Variants in IL1R2 observed in about 807,000 individuals in gnomAD.
IL1R2 encodes interleukin 1 receptor type 2.
A neutral mutation model predicts 39.5 loss-of-function variants in IL1R2; 46 were observed. The ratio of observed to expected loss-of-function variants is 1.16; its 90% confidence interval spans 0.92 to 1.49. The LOEUF is 1.49. IL1R2 is among the 40% of genes most tolerant of loss of function. IL1R2 has a pLI of 0.00. For missense variants in IL1R2, 537 were observed against 502.0 expected (o/e 1.07, Z -0.67); for synonymous variants, 207 against 189.6 (o/e 1.09, Z -0.75).
rs374001314 is a variant in IL1R2, at chr2:102,009,684, C to T, written c.190C>T (p.Arg64Cys). ...PYWLWASVSP[R>C]INLTWHKNDS... ...CTGGTTGTGGGCCTCTGTCAGCCCC[C>T]GCATCAACCTGACATGGCATAAAAA... Residue 64 changes from arginine (R) to cysteine (C), a missense_variant, in exon 3 of 9, where the codon CGC becomes TGC. Transcript: ENST00000332549. The T allele has an allele frequency of 1.8e-4, 291 of 1,614,066 alleles. No homozygotes were observed. Among genetic ancestry groups the T allele is most frequent in the Non-Finnish European group, 2.1e-4 (249 of 1,180,040 alleles).
intron 1 of IL1R2, among the ~76,000 whole-genome samples, chr2:102,000,326 A>G (rs1675790965): frequency 6.6e-6 from 1 of 152,212 alleles, no homozygotes; most frequent in Admixed American, 6.5e-5. Flanking sequence ...TCACACAGGT[A>G]ATGTAACCTG....
rs1414732309 is a variant in IL1R2 at position 101,995,566 on chromosome 2, G to A, written c.-62+3555G>A. Among the ~76,000 whole-genome samples, 3 of 152,316 alleles carry A rather than the reference G, an allele frequency of 2.0e-5. No individual in the cohort carries two copies. The East Asian group carries it at 5.8e-4, about 29-fold the overall frequency. On this transcript the variant is annotated intron_variant, in intron 1 of 8. Transcript: ENST00000332549. Reference sequence around the variant, plus strand: ...ACAGCAATGTGAGCTAACCAATGCGGTTGTTTTTAAGTGGCTGAGTCTGTG... The same window carrying A: ...ACAGCAATGTGAGCTAACCAATGCGATTGTTTTTAAGTGGCTGAGTCTGTG...
chr2:102,007,503 A>G (rs1676341103), intron 1 of IL1R2, among the ~76,000 whole-genome samples: 1 of 152,180 alleles, frequency 6.6e-6, no homozygotes, highest in Non-Finnish European at 1.5e-5. Context: ...AGTTAGGGAC[A>G]GAACTGTGAA....
At chr2:102,006,295 T>A (rs1230789347) in intron 1 of IL1R2, among the ~76,000 whole-genome samples, 1 of 152,036 alleles carries the variant, frequency 6.6e-6, no homozygotes, top group South Asian at 2.1e-4. Flanking sequence ...GACAGTATGG[T>A]TAGGGGTAAA....
Position 102,009,629 on chromosome 2 carries a change from T to C in IL1R2, c.135T>C (p.Pro45=), listed in dbSNP as rs375655301. Residue 45 remains proline (P), a synonymous_variant, in exon 3 of 9, where the codon CCT becomes CCC. Transcript: ENST00000332549. Reference sequence around the variant, plus strand: ...GGGAGTTCAGGCTGGAAGGGGAGCCTGTAGCCCTGAGGTGCCCCCAGGTGC... The same window carrying C: ...GGGAGTTCAGGCTGGAAGGGGAGCCCGTAGCCCTGAGGTGCCCCCAGGTGC... ...YKREFRLEGE[P]VALRCPQVPY... 3 of 1,614,086 alleles carry C rather than the reference T, an allele frequency of 1.9e-6. No individual in the cohort carries two copies. Among genetic ancestry groups the C allele is most frequent in the African/African-American group, 2.7e-5 (2 of 74,930 alleles).
rs756425037 is a variant in IL1R2, at chr2:102,028,261, C to T, written c.1066C>T (p.Pro356Ser). The T allele has an allele frequency of 1.2e-6, 2 of 1,612,316 alleles. No individual in the cohort carries two copies. Among genetic ancestry groups the T allele is most frequent in the East Asian group, 2.2e-5 (1 of 44,866 alleles). Residue 356 changes from proline to serine, a missense_variant, in exon 9 of 9, where the codon CCA (proline) becomes TCA (serine). By Grantham distance (74) the Pro-to-Ser change is moderately conservative. Coordinates refer to ENST00000332549, the MANE Select transcript of IL1R2 (RefSeq NM_004633.4). ...GTTCTCCTGGGGCATTGTGCTGGCC[C>T]CACTTTCACTGGCCTTCTTGGTTTT... is the stretch of plus-strand genomic sequence containing the variant. ...STFSWGIVLA[P>S]LSLAFLVLGG...
chr2:101,997,183 C>A (rs1033550066), intron 1 of IL1R2, among the ~76,000 whole-genome samples: 4 of 152,184 alleles, frequency 2.6e-5, no homozygotes, highest in Non-Finnish European at 5.9e-5. Context: ...GTGGAATCTA[C>A]TGCTGGCGTC....
intron 6 of IL1R2, among the ~76,000 whole-genome samples, chr2:102,023,965 C>G (rs3218969): frequency 4.0e-5 from 6 of 151,224 alleles, no homozygotes; most frequent in Middle Eastern, 3.4e-3. Context: ...AGGAGAATGG[C>G]GTGAACCGGG....
chr2:102,014,995 A>G (rs1458600596), intron 3 of IL1R2, among the ~76,000 whole-genome samples: 2 of 151,022 alleles, frequency 1.3e-5, no homozygotes, highest in African/African-American at 4.8e-5. Context: ...TAATAAAGCA[A>G]ACTTACCAAG....
intron 2 of IL1R2, among the ~76,000 whole-genome samples, chr2:102,009,026 T>C (rs1205489332): frequency 6.7e-6 from 1 of 149,386 alleles, no homozygotes; most frequent in Admixed American, 6.7e-5. Context: ...AGACCCTGTC[T>C]CAAAAAAATA....
At chr2:102,013,935 G>A (rs1194444330) in intron 3 of IL1R2, among the ~76,000 whole-genome samples, 1 of 152,070 alleles carries the variant, frequency 6.6e-6, no homozygotes, top group Admixed American at 6.6e-5. Flanking sequence ...GGGAGAACTG[G>A]GCCTATTTGG....
chr2:102,024,330 C>T (rs2150461483), intron 6 of IL1R2, among the ~76,000 whole-genome samples: 1 of 152,234 alleles, frequency 6.6e-6, no homozygotes. Flanking sequence ...GCCATGAAGA[C>T]CAGTTGTAGG....
chr2:101,999,677 G>A (rs562782225), intron 1 of IL1R2, among the ~76,000 whole-genome samples: 2 of 152,294 alleles, frequency 1.3e-5, no homozygotes, highest in East Asian at 3.9e-4. Context: ...CAGAGATTGA[G>A]CAAATGACTA....
chr2:101,996,782 T>G (rs1313161931), intron 1 of IL1R2, among the ~76,000 whole-genome samples: 1 of 151,700 alleles, frequency 6.6e-6, no homozygotes, highest in Non-Finnish European at 1.5e-5. Context: ...TCAGACCCAG[T>G]ATATACACAT....
chr2:102,009,436 G>T, intron 2 of IL1R2, 126 bp from the exon 3 acceptor site: 3 of 1,048,370 alleles, frequency 2.9e-6, no homozygotes, highest in Non-Finnish European at 4.2e-6. Flanking sequence ...AGGGACAAAT[G>T]ACATCTTTCT....
chr2:102,016,177 G>A (rs1337051352), intron 4 of IL1R2, 126 bp downstream of exon 4: 3 of 706,510 alleles, frequency 4.2e-6, no homozygotes, highest in East Asian at 2.8e-5. Flanking sequence ...ACACACACAT[G>A]GTTTGCCTTT....
chr2:102,026,404 T>G (rs762540353), intron 8 of IL1R2, 151 bp downstream of exon 8: 8 of 651,688 alleles, frequency 1.2e-5, no homozygotes, highest in Non-Finnish European at 2.0e-5. Context: ...CCTCCCATTT[T>G]TAAAGAGTTT....
At chr2:101,994,301 A>T (rs1675482196) in intron 1 of IL1R2, among the ~76,000 whole-genome samples, 1 of 152,036 alleles carries the variant, frequency 6.6e-6, no homozygotes, top group South Asian at 2.1e-4. Flanking sequence ...AGGGATCCAG[A>T]ACATCCACGG....
intron 1 of IL1R2, among the ~76,000 whole-genome samples, chr2:101,994,401 C>A (rs1675489622): frequency 6.6e-6 from 1 of 152,290 alleles, no homozygotes; most frequent in East Asian, 1.9e-4. Context: ...GTTGCTTTTT[C>A]ATGTTTTCAT....
Sources: allele counts gnomAD v4.1 joint callset (sites outside exome capture counted in the v4.1 genomes callset), GRCh38; gene constraint gnomAD v4.1.1; transcripts MANE v1.5; gene names NCBI Gene and HGNC (gene_info 2026-07-23, HGNC 2026-07-21).